Variants in EPN2 observed in about 807,000 individuals in gnomAD.
EPN2 encodes epsin 2, also known as epsin-2.
EPN2 carries 34 observed loss-of-function variants against 61.7 expected under a neutral mutation model. That is an observed-to-expected ratio of 0.55 (90% CI 0.42 to 0.73). The LOEUF is 0.73. Among genes scored for constraint, EPN2 ranks in the 30% least tolerant of loss-of-function variants. The pLI is 0.00. For missense variants in EPN2, 714 were observed against 839.2 expected, an observed-to-expected ratio of 0.85 and a Z score of 1.84; for synonymous variants, 349 against 353.6, an observed-to-expected ratio of 0.99 and a Z score of 0.15.
At chr17:19,249,989 C>G (rs187587395) in intron 1 of EPN2, among the ~76,000 whole-genome samples, 12 of 152,276 alleles carry the variant, frequency 7.9e-5, no homozygotes, top group African/African-American at 2.6e-4. Context: ...CTCTCTGACC[C>G]TGACTCTTCT....
intron 3 of EPN2, among the ~76,000 whole-genome samples, chr17:19,284,054 A>G (rs1283707067): frequency 2.0e-5 from 3 of 152,216 alleles, no homozygotes; most frequent in African/African-American, 7.2e-5. Flanking sequence ...CCTGCTGCAC[A>G]TACAATGGGG....
chr17:19,336,389 T>A lies in EPN2; in HGVS notation c.*2135T>A, dbSNP rs111954981. 6.3e-3 allele frequency: 958 copies of A among 152,542 alleles called. 3 individuals are homozygous for A. The highest frequency in any genetic ancestry group is 0.011 in the Non-Finnish European group (765 of 68,062). The allele number at this position is 152,542 out of a possible 1,614,324, so 9.4% of individuals were successfully genotyped here. ...GACTACTTGGGGTCAGTGATTCTTT[T>A]GTAACGAGTCTTTCATGATGTGACT... is the stretch of plus-strand genomic sequence containing the variant. On this transcript the variant is annotated 3_prime_UTR_variant, in exon 11 of 11. Transcript: ENST00000314728.
At chr17:19,289,724 G>T (rs1272387115) in intron 4 of EPN2, among the ~76,000 whole-genome samples, 5 of 78,048 alleles carry the variant, frequency 6.4e-5, no homozygotes, top group Non-Finnish European at 1.2e-4. Context: ...GGCGCTCATG[G>T]TTTTTTTTTT....
chr17:19,320,243 G>A (rs1014739575), intron 7 of EPN2, among the ~76,000 whole-genome samples: 1 of 152,228 alleles, frequency 6.6e-6, no homozygotes, highest in Non-Finnish European at 1.5e-5. Flanking sequence ...TGCCATTGAT[G>A]GCTGCCTGTG....
Position 19,329,629 on chromosome 17 carries a change from C to G in EPN2, c.1393C>G (p.Arg465Gly). 1.9e-6 allele frequency: 3 copies of G among 1,610,454 alleles called. No homozygotes were observed. Among genetic ancestry groups the G allele is most frequent in the Non-Finnish European group, 2.5e-6 (3 of 1,177,056 alleles). The change falls in exon 9 of 11, where the codon CGG becomes GGG. Residue 465 changes from arginine (R) to glycine (G), a missense_variant. Arg to Gly is a moderately radical substitution (Grantham distance 125). Coordinates refer to ENST00000314728, the MANE Select transcript of EPN2 (RefSeq NM_014964.5). ...KDDFSEFDNL[R>G]TSKKTAESVT... ...TGACTTTTCTGAATTTGACAACCTT[C>G]GGACTTCAAAAAAAACAGGTATGTA...
Position 19,294,090 on chromosome 17 carries a change from TA to T in EPN2, c.766+8314del, listed in dbSNP as rs35150015. Among the ~76,000 whole-genome samples, 703 of 138,776 alleles carry T rather than the reference TA, an allele frequency of 5.1e-3. 2 individuals are homozygous for T. The highest frequency in any genetic ancestry group is 0.014 in the South Asian group (63 of 4,352). 91.0% of individuals were successfully genotyped at this position (138,776 alleles called of 152,430 possible). ...GGGCAACAGAGCAAGACTCTGTCTT[TA>T]AAAAAAAAAAAAAGAAACAGTGCTA... On this transcript the variant is annotated intron_variant, in intron 4 of 10. Coordinates refer to ENST00000314728, the MANE Select transcript of EPN2 (RefSeq NM_014964.5).
rs1907338576 is a variant in EPN2 at position 19,335,092 on chromosome 17, A to C, written c.*838A>C. Reference sequence around the variant, plus strand: ...GAAGAGATGTTTGGATGACAAAAAAATGCCTTATTGAAAAACTAAAGCAAA... The same window carrying C: ...GAAGAGATGTTTGGATGACAAAAAACTGCCTTATTGAAAAACTAAAGCAAA... On this transcript the variant is annotated 3_prime_UTR_variant, in exon 11 of 11. Coordinates refer to ENST00000314728, the MANE Select transcript of EPN2 (RefSeq NM_014964.5). 4.8e-6 allele frequency: 1 copy of C among 209,104 alleles called. No individual in the cohort carries two copies. Among genetic ancestry groups the C allele is most frequent in the Non-Finnish European group, 9.5e-6 (1 of 105,156 alleles). The allele number at this position is 209,104 out of a possible 1,614,324, so 13.0% of individuals were successfully genotyped here.
chr17:19,298,226 G>T (rs1598005449), intron 4 of EPN2, among the ~76,000 whole-genome samples: 1 of 152,206 alleles, frequency 6.6e-6, no homozygotes, highest in East Asian at 1.9e-4. Flanking sequence ...ACACAGTCTT[G>T]CTCTGTTGTC....
At chr17:19,311,995 G>A (rs978407144) in intron 5 of EPN2, 57 bp from the exon 6 acceptor site, 2 of 1,165,222 alleles carry the variant, frequency 1.7e-6, no homozygotes, top group Middle Eastern at 1.9e-4. Context: ...GGCCAGTGTG[G>A]CTTTGTTCTG....
At chr17:19,289,580 T>G (rs1311562485) in intron 4 of EPN2, among the ~76,000 whole-genome samples, 3 of 151,980 alleles carry the variant, frequency 2.0e-5, no homozygotes, top group African/African-American at 7.2e-5. Flanking sequence ...AAGTGTCTCC[T>G]AGACACGCAA....
chr17:19,260,626 T>C (rs1488399903), intron 1 of EPN2, among the ~76,000 whole-genome samples: 1 of 142,062 alleles, frequency 7.0e-6, no homozygotes, highest in Non-Finnish European at 1.6e-5. Context: ...AGAATGGAAC[T>C]TTTTTTTTTT....
At chr17:19,310,117 T>A in intron 5 of EPN2, 120 bp downstream of exon 5, 1 of 706,732 alleles carries the variant, frequency 1.4e-6, no homozygotes, top group Non-Finnish European at 2.5e-6. Flanking sequence ...ATATGCTTGC[T>A]GAGATGGCAT....
chr17:19,303,204 A>G (rs1905620497), intron 4 of EPN2, among the ~76,000 whole-genome samples: 1 of 152,194 alleles, frequency 6.6e-6, no homozygotes, highest in African/African-American at 2.4e-5. Flanking sequence ...GCTTCAGTAC[A>G]CATCTCTTCC....
At chr17:19,248,445 A>G (rs772146661) in intron 1 of EPN2, 9 of 152,150 alleles carry the variant, frequency 5.9e-5, no homozygotes, top group Non-Finnish European at 1.2e-4. Flanking sequence ...CCTAAATTGT[A>G]ATGACTGCAG....
intron 1 of EPN2, among the ~76,000 whole-genome samples, chr17:19,251,712 G>A (rs182498004): frequency 4.1e-4 from 63 of 152,258 alleles, no homozygotes; most frequent in Admixed American, 7.2e-4. Context: ...GGGATTACAG[G>A]CGTGAGCCAC....
At chr17:19,240,087 AAG>A in intron 1 of EPN2, among the ~76,000 whole-genome samples, 1 of 152,186 alleles carries the variant, frequency 6.6e-6, no homozygotes, top group Admixed American at 6.5e-5. Context: ...TACTTTTGGA[AAG>A]TACATTAAAA....
At chr17:19,302,255 G>C (rs1905568067) in intron 4 of EPN2, among the ~76,000 whole-genome samples, 1 of 152,220 alleles carries the variant, frequency 6.6e-6, no homozygotes, top group Admixed American at 6.5e-5. Context: ...ATCGCTTCTT[G>C]TTCGTTCCCC....
At chr17:19,265,158 C>T (rs909666778) in intron 1 of EPN2, among the ~76,000 whole-genome samples, 5 of 151,972 alleles carry the variant, frequency 3.3e-5, no homozygotes, top group African/African-American at 7.3e-5. Flanking sequence ...TTTGGGATGC[C>T]GAGACAGGAG....
At chr17:19,287,782 A>G (rs182941933) in intron 4 of EPN2, among the ~76,000 whole-genome samples, 1 of 152,334 alleles carries the variant, frequency 6.6e-6, no homozygotes, top group East Asian at 1.9e-4. Context: ...GAGAGCAGCC[A>G]CAGCCGGGAA....
Sources: gnomAD v4.1 joint callset for allele counts (sites outside exome capture counted in the v4.1 genomes callset) on GRCh38, gnomAD v4.1.1 for gene constraint, MANE v1.5 for transcripts, NCBI Gene and HGNC (gene_info 2026-07-23, HGNC 2026-07-21) for gene names.